Variants in TLL1 observed in about 807,000 individuals in gnomAD.
TLL1 encodes tolloid-like protein 1.
A neutral mutation model predicts 128.2 loss-of-function variants in TLL1; 49 were observed. The ratio of observed to expected loss-of-function variants is 0.38; its 90% CI spans 0.30 to 0.48. The LOEUF (loss-of-function observed/expected upper bound fraction) is 0.48. TLL1 is among the 20% of genes least tolerant of loss of function. The pLI is 0.96. For missense variants in TLL1, 1,123 were observed against 1,242.0 expected, an observed-to-expected ratio of 0.90 and a Z score of 1.44; for synonymous variants, 454 against 418.8, an observed-to-expected ratio of 1.08 and a Z score of -1.03.
chr4:165,887,839 T>A (rs981546160), intron 1 of TLL1, among the ~76,000 whole-genome samples: 11 of 152,214 alleles, frequency 7.2e-5, no homozygotes, highest in Admixed American at 6.5e-4. Flanking sequence ...TACTGTTTAA[T>A]ATTTAATATT....
At chr4:165,877,918 G>A (rs998587614) in intron 1 of TLL1, among the ~76,000 whole-genome samples, 5 of 151,984 alleles carry the variant, frequency 3.3e-5, no homozygotes, top group African/African-American at 1.2e-4. Flanking sequence ...GGAGTAAGAT[G>A]TTTTTGCAGA....
intron 9 of TLL1, among the ~76,000 whole-genome samples, chr4:166,031,991 G>C (rs1322863143): frequency 1.3e-5 from 2 of 152,088 alleles, no homozygotes; most frequent in African/African-American, 4.8e-5. Context: ...AATTGAAGTT[G>C]AGAAAGGATT....
At chr4:165,998,348 AC>A (rs1445151259) in intron 5 of TLL1, among the ~76,000 whole-genome samples, 1 of 152,156 alleles carries the variant, frequency 6.6e-6, no homozygotes, top group East Asian at 1.9e-4. Flanking sequence ...TTTTTGTGGA[AC>A]AATCTTACTT....
rs565687777 is a variant in TLL1, at chr4:166,056,468, TATC to T, written c.1721-713_1721-711del. 2.7e-3 allele frequency among the ~76,000 whole-genome samples: 408 copies of T among 152,050 alleles called. 2 individuals are homozygous for T. Among genetic ancestry groups the T allele is most frequent in the African/African-American group, 8.4e-3 (350 of 41,526 alleles). On this transcript the variant is annotated intron_variant, in intron 13 of 20. Coordinates refer to ENST00000061240, the MANE Select transcript of TLL1 (RefSeq NM_012464.5). ...GTATGTATATTTATTAAAATGGGGT[TATC>T]ATATTTTCTGGAGCAAAATGTCTAT...
intron 12 of TLL1, among the ~76,000 whole-genome samples, chr4:166,045,472 A>T (rs1206489094): frequency 6.6e-6 from 1 of 152,002 alleles, no homozygotes; most frequent in Admixed American, 6.6e-5. Flanking sequence ...ATACACGATG[A>T]CTTTACACCA....
intron 1 of TLL1, among the ~76,000 whole-genome samples, chr4:165,930,900 T>C (rs1048598542): frequency 6.6e-6 from 1 of 152,206 alleles, no homozygotes; most frequent in African/African-American, 2.4e-5. Flanking sequence ...GACTGTAAAG[T>C]GATCTTGAAT....
intron 1 of TLL1, among the ~76,000 whole-genome samples, chr4:165,986,223 A>G (rs1021783055): frequency 6.6e-6 from 1 of 152,068 alleles, no homozygotes; most frequent in African/African-American, 2.4e-5. Flanking sequence ...TCAGATATAT[A>G]TTAGATTATA....
In TLL1 at chr4:166,078,026, A is replaced by G. The variant is rs1222849209; in HGVS notation, c.2438A>G (p.Lys813Arg). 2.5e-6 allele frequency: 4 copies of G among 1,613,578 alleles called. No homozygotes were observed. The highest frequency in any genetic ancestry group is 3.3e-5 in the Admixed American group (2 of 59,980). ...EISATPGHRI[K>R]LAFSEFEIEQ... ...AGCGCCACTCCTGGCCACCGAATCA[A>G]ATTAGTAAGTGAGCACATCCTTTTT... The change falls in exon 18 of 21, where the codon AAA becomes AGA. Residue 813 changes from lysine (K) to arginine (R), a missense_variant. This residue lies in a region of TLL1 where 634 missense variants were observed against 672.4 expected (regional missense o/e 0.94). Transcript: ENST00000061240.
intron 3 of TLL1, among the ~76,000 whole-genome samples, chr4:165,993,890 A>C (rs963845234): frequency 6.6e-6 from 1 of 152,134 alleles, no homozygotes; most frequent in Admixed American, 6.6e-5. Flanking sequence ...TCTTAATGTT[A>C]CTTCATTTAC....
intron 1 of TLL1, among the ~76,000 whole-genome samples, chr4:165,901,150 A>G (rs1731966088): frequency 6.6e-6 from 1 of 151,926 alleles, no homozygotes; most frequent in African/African-American, 2.4e-5. Flanking sequence ...AACTTTTTTC[A>G]AGGTTCTTAG....
chr4:165,947,172 T>C (rs1734289797), intron 1 of TLL1, among the ~76,000 whole-genome samples: 1 of 152,118 alleles, frequency 6.6e-6, no homozygotes, highest in Non-Finnish European at 1.5e-5. Flanking sequence ...GGCCATCATC[T>C]TACTGTGTAC....
intron 1 of TLL1, among the ~76,000 whole-genome samples, chr4:165,984,693 C>T (rs1736320988): frequency 6.6e-6 from 1 of 151,928 alleles, no homozygotes; most frequent in African/African-American, 2.4e-5. Flanking sequence ...CCATAAATCT[C>T]AAGATAATGA....
At chr4:165,959,154 C>T (rs1427389004) in intron 1 of TLL1, among the ~76,000 whole-genome samples, 14 of 151,536 alleles carry the variant, frequency 9.2e-5, no homozygotes, top group Admixed American at 2.0e-4. Flanking sequence ...ATGATGCCTC[C>T]GGCTTTGTTC....
At chr4:165,954,277 C>G (rs1005967334) in intron 1 of TLL1, among the ~76,000 whole-genome samples, 1 of 152,024 alleles carries the variant, frequency 6.6e-6, no homozygotes, top group Non-Finnish European at 1.5e-5. Context: ...ATACCCAGAA[C>G]ACATACACGC....
chr4:165,963,922 C>T (rs1459726803), intron 1 of TLL1, among the ~76,000 whole-genome samples: 1 of 152,112 alleles, frequency 6.6e-6, no homozygotes, highest in Non-Finnish European at 1.5e-5. Flanking sequence ...TCAGCAATTA[C>T]TGAAATAACA....
chr4:165,953,703 A>C (rs1734650656), intron 1 of TLL1, among the ~76,000 whole-genome samples: 1 of 151,840 alleles, frequency 6.6e-6, no homozygotes, highest in South Asian at 2.1e-4. Context: ...CAAGGACGAA[A>C]TGCCATTTAC....
chr4:166,054,214 A>G (rs768126005), intron 12 of TLL1, among the ~76,000 whole-genome samples: 9 of 152,108 alleles, frequency 5.9e-5, no homozygotes, highest in Non-Finnish European at 1.2e-4. Context: ...TGTTGATTCT[A>G]CTATATAGTA....
intron 12 of TLL1, 97 bp from the exon 13 acceptor site, chr4:166,054,979 A>G (rs1198996902): frequency 2.0e-6 from 2 of 992,958 alleles, no homozygotes; most frequent in Non-Finnish European, 2.9e-6. Context: ...CTTTTATATT[A>G]ACAAATCAGA....
At chr4:166,099,135 C>T in intron 19 of TLL1, 142 bp from the exon 20 acceptor site, 1 of 1,334,246 alleles carries the variant, frequency 7.5e-7, no homozygotes, top group Non-Finnish European at 1.1e-6. Flanking sequence ...TCTGACTCTC[C>T]AGTTGTGGAA....
Sources: allele counts gnomAD v4.1 joint callset (sites outside exome capture counted in the v4.1 genomes callset), GRCh38; gene constraint gnomAD v4.1.1; regional missense constraint gnomAD v4.1.1; transcripts MANE v1.5; gene names NCBI Gene and HGNC (gene_info 2026-07-23, HGNC 2026-07-21).